Variants in CYP27A1 observed in about 807,000 individuals in gnomAD.
The protein encoded by CYP27A1 is sterol 26-hydroxylase, mitochondrial.
Under a neutral mutation model 58.2 loss-of-function variants are expected in CYP27A1, and 46 were observed. The observed-to-expected ratio is 0.79, with a 90% CI of 0.62 to 1.01. The LOEUF is 1.01. CYP27A1 is among the 50% of genes least tolerant of loss of function. The pLI is 0.00. For synonymous variants in CYP27A1, 274 were observed against 285.1 expected (o/e 0.96, Z 0.39); for missense variants, 704 against 687.0 (o/e 1.02, Z -0.28).
intron 1 of CYP27A1, among the ~76,000 whole-genome samples, chr2:218,790,550 A>T (rs1229766083): frequency 6.6e-6 from 1 of 152,248 alleles, no homozygotes. Flanking sequence ...CAACAGCTGC[A>T]TAGATACTTC....
intron 1 of CYP27A1, 75 bp from the exon 2 acceptor site, chr2:218,809,502 T>C (rs1943688327): frequency 6.5e-6 from 6 of 927,166 alleles, no homozygotes; most frequent in Middle Eastern, 3.2e-4. Context: ...ATCAGACCCT[T>C]CCTCACCTCA....
At chr2:218,804,349 C>T (rs1943630181) in intron 1 of CYP27A1, among the ~76,000 whole-genome samples, 1 of 152,146 alleles carries the variant, frequency 6.6e-6, no homozygotes, top group Non-Finnish European at 1.5e-5. Context: ...AATCAGTTGA[C>T]TGTAGATGTT....
intron 1 of CYP27A1, among the ~76,000 whole-genome samples, chr2:218,796,787 A>G (rs767448581): frequency 3.3e-5 from 5 of 152,222 alleles, no homozygotes; most frequent in Admixed American, 6.5e-5. Context: ...CAGTATTACA[A>G]GCAAAAGTCA....
chr2:218,795,321 CAG>C (rs1575200217), intron 1 of CYP27A1, among the ~76,000 whole-genome samples: 2 of 152,120 alleles, frequency 1.3e-5, no homozygotes, highest in East Asian at 1.9e-4. Context: ...AATTGTGTCT[CAG>C]GGGGTGTTGC....
Position 218,812,665 on chromosome 2 carries a change from G to A in CYP27A1, c.760G>A (p.Ala254Thr). Residue 254 changes from alanine to threonine, a missense_variant, in exon 4 of 9, where the codon GCC becomes ACC. Physicochemically the swap from Ala to Thr is moderately conservative, Grantham distance 58. Coordinates refer to ENST00000258415, the MANE Select transcript of CYP27A1 (RefSeq NM_000784.4). ...IGLMFQNSLY[A>T]TFLPKWTRPV... ...GTTAATGTTCCAGAACTCACTCTATGCCACCTTCCTCCCCAAGTGGACTCG... is the reference window on the plus strand; with the variant it reads ...GTTAATGTTCCAGAACTCACTCTATACCACCTTCCTCCCCAAGTGGACTCG... The A allele has an allele frequency of 6.2e-7, 1 of 1,614,198 alleles. No individual in the cohort carries two copies. Among genetic ancestry groups the A allele is most frequent in the Non-Finnish European group, 8.5e-7 (1 of 1,180,038 alleles).
chr2:218,796,610 A>G (rs1345469317), intron 1 of CYP27A1, among the ~76,000 whole-genome samples: 1 of 152,088 alleles, frequency 6.6e-6, no homozygotes, highest in Admixed American at 6.6e-5. Flanking sequence ...AAACAAACAA[A>G]CAAAAAAACA....
intron 1 of CYP27A1, among the ~76,000 whole-genome samples, chr2:218,785,742 A>G (rs912448456): frequency 6.6e-6 from 1 of 152,114 alleles, no homozygotes; most frequent in Non-Finnish European, 1.5e-5. Flanking sequence ...TGGGAAATAC[A>G]TTAGTCCTTC....
intron 1 of CYP27A1, among the ~76,000 whole-genome samples, chr2:218,791,680 G>T (rs1481009847): frequency 2.0e-5 from 3 of 152,166 alleles, no homozygotes; most frequent in South Asian, 2.1e-4. Context: ...TGAACCCAAG[G>T]TTCAAGGTCT....
rs549128333 is a variant in CYP27A1 at position 218,797,224 on chromosome 2, T to C, written c.256-12353T>C. ...AAGCAATTCTCCTGCCTCAGCCTCC[T>C]GAGTAGCTGGGATTACAGGCGCCCA... On this transcript the variant is annotated intron_variant, in intron 1 of 8. Coordinates refer to ENST00000258415, the MANE Select transcript of CYP27A1 (RefSeq NM_000784.4). Among the ~76,000 whole-genome samples, 129 of 152,146 alleles carry C rather than the reference T, an allele frequency of 8.5e-4. 2 individuals are homozygous for C. The highest frequency in any genetic ancestry group is 3.0e-3 in the African/African-American group (124 of 41,518).
chr2:218,802,188 A>G (rs2105975985), intron 1 of CYP27A1, among the ~76,000 whole-genome samples: 1 of 152,156 alleles, frequency 6.6e-6, no homozygotes. Context: ...CAATAGGGGA[A>G]CGACACAGCA....
chr2:218,809,613 T>A lies in CYP27A1; in HGVS notation c.292T>A (p.Ser98Thr). ...GGCCAAGTACGGTCCAATGTGGATG[T>A]CCTACTTAGGGCCTCAGATGCACGT... is the stretch of plus-strand genomic sequence containing the variant. The part of the protein sequence containing the change: ...YKAKYGPMWM[S>T]YLGPQMHVNL... Residue 98 changes from serine (S) to threonine (T), a missense_variant, in exon 2 of 9, where the codon TCC (serine) becomes ACC (threonine). Physicochemically the swap from Ser to Thr is moderately conservative, Grantham distance 58. Coordinates refer to ENST00000258415, the MANE Select transcript of CYP27A1 (RefSeq NM_000784.4). 6.2e-7 allele frequency: 1 copy of A among 1,614,176 alleles called. No homozygotes were observed. The highest frequency in any genetic ancestry group is 8.5e-7 in the Non-Finnish European group (1 of 1,180,020).
intron 1 of CYP27A1, among the ~76,000 whole-genome samples, chr2:218,808,222 T>G (rs950974868): frequency 6.6e-6 from 1 of 152,252 alleles, no homozygotes; most frequent in African/African-American, 2.4e-5. Context: ...CAGTATATTT[T>G]CCTTCCAGGA....
intron 1 of CYP27A1, among the ~76,000 whole-genome samples, chr2:218,794,559 G>A (rs1032283667): frequency 1.3e-5 from 2 of 152,168 alleles, no homozygotes; most frequent in Admixed American, 1.3e-4. Context: ...CCAGGGAGAG[G>A]GAGGCCAAAA....
chr2:218,795,730 C>T (rs1380522385), intron 1 of CYP27A1, among the ~76,000 whole-genome samples: 2 of 152,168 alleles, frequency 1.3e-5, no homozygotes, highest in African/African-American at 4.8e-5. Flanking sequence ...AATTTAATTA[C>T]AAATGTATAA....
chr2:218,790,288 A>C (rs1943479515), intron 1 of CYP27A1, among the ~76,000 whole-genome samples: 1 of 152,250 alleles, frequency 6.6e-6, no homozygotes, highest in African/African-American at 2.4e-5. Context: ...TTGACATTCT[A>C]GAGATGGCTG....
At chr2:218,792,894 A>T (rs1393817394) in intron 1 of CYP27A1, among the ~76,000 whole-genome samples, 2 of 152,126 alleles carry the variant, frequency 1.3e-5, no homozygotes, top group African/African-American at 2.4e-5. Flanking sequence ...GCTTCAGGGA[A>T]CCTCTGTAGC....
chr2:218,814,230 G>A, intron 6 of CYP27A1, 43 bp downstream of exon 6: 1 of 1,613,552 alleles, frequency 6.2e-7, no homozygotes, highest in Non-Finnish European at 8.5e-7. Flanking sequence ...ATCTCTTTGT[G>A]GGGAGGGAAT....
chr2:218,792,556 C>T (rs529533659), intron 1 of CYP27A1, among the ~76,000 whole-genome samples: 18 of 152,274 alleles, frequency 1.2e-4, no homozygotes, highest in African/African-American at 4.1e-4. Flanking sequence ...TCTGTCCTTT[C>T]ATGAACCTCC....
At chr2:218,793,683 C>A (rs376707062) in intron 1 of CYP27A1, among the ~76,000 whole-genome samples, 1 of 151,572 alleles carries the variant, frequency 6.6e-6, no homozygotes, top group East Asian at 1.9e-4. Flanking sequence ...TTTCCATAAA[C>A]CTTTTGTTTC....
Sources: allele counts gnomAD v4.1 joint callset (sites outside exome capture counted in the v4.1 genomes callset), GRCh38; gene constraint gnomAD v4.1.1; transcripts MANE v1.5; gene names NCBI Gene and HGNC (gene_info 2026-07-23, HGNC 2026-07-21).